The following RANBP2 variants were observed in gnomAD, a reference collection of about 807,000 sequenced individuals.
The protein encoded by RANBP2 is RAN binding protein 2.
RANBP2 carries 57 observed loss-of-function variants against 303.6 expected under a neutral mutation model. That is an observed-to-expected ratio of 0.19 (90% CI 0.15 to 0.23). The LOEUF (loss-of-function observed/expected upper bound fraction) is 0.23, where lower values mean the gene tolerates loss of function less well. RANBP2 is among the 10% of genes least tolerant of loss of function. The probability of loss-of-function intolerance (pLI) is 1.00; values close to 1 mark genes in which losing one functional copy is unlikely to be tolerated. For missense variants in RANBP2, 3,138 were observed against 3,780.8 expected, an observed-to-expected ratio of 0.83 and a Z score of 4.46; for synonymous variants, 1,167 against 1,301.5, an observed-to-expected ratio of 0.90 and a Z score of 2.23.
chr2:109,501,099 T>C, the RANBP2 span, among the ~76,000 whole-genome samples: 2 of 152,278 alleles, frequency 1.3e-5, no homozygotes, highest in Admixed American at 1.3e-4. Flanking sequence ...GCCCAGGGTC[T>C]TGACACTGGG....
chr2:108,935,251 C>A, the RANBP2 span, among the ~76,000 whole-genome samples: 1 of 152,176 alleles, frequency 6.6e-6, no homozygotes, highest in Non-Finnish European at 1.5e-5. Context: ...ATCACATCAG[C>A]TTATGACTAC....
At position 108,752,207 on chromosome 2, in the gene RANBP2, G is replaced by A. The variant is rs540864523; in HGVS notation, c.1755+213G>A. On this transcript the variant is annotated intron_variant, in intron 12 of 28. Coordinates refer to ENST00000283195, the MANE Select transcript of RANBP2 (RefSeq NM_006267.5). ...ACAGTGAATGTTACATATTAGCTGAGCTGTTACTGTTATTCCTTAATAATT... is the reference window on the plus strand; with the variant it reads ...ACAGTGAATGTTACATATTAGCTGAACTGTTACTGTTATTCCTTAATAATT... Among the ~76,000 whole-genome samples the A allele has an allele frequency of 2.6e-5, 4 of 151,932 alleles. No individual in the cohort carries two copies. In the East Asian group the frequency reaches 7.7e-4, roughly 29 times the overall value.
the RANBP2 span, among the ~76,000 whole-genome samples, chr2:108,831,745 C>A: frequency 6.6e-6 from 1 of 151,894 alleles, no homozygotes; most frequent in South Asian, 2.1e-4. Flanking sequence ...TCCGTCCTTC[C>A]TGTTGAAACG....
the RANBP2 span, among the ~76,000 whole-genome samples, chr2:109,587,268 C>T: frequency 2.2e-4 from 34 of 152,182 alleles, no homozygotes; most frequent in African/African-American, 6.5e-4. Context: ...TTAGTACTAA[C>T]AGCAGATCAA....
chr2:108,957,956 C>A, the RANBP2 span, among the ~76,000 whole-genome samples: 1 of 152,108 alleles, frequency 6.6e-6, no homozygotes, highest in Admixed American at 6.5e-5. Flanking sequence ...ACAGTTCCTG[C>A]AGAAAATGAA....
At chr2:109,615,782 C>T in the RANBP2 span, 10 of 1,614,116 alleles carry the variant, frequency 6.2e-6, no homozygotes, top group Non-Finnish European at 8.5e-6. Flanking sequence ...TCTCACACGC[C>T]CTAGAAGATG....
the RANBP2 span, chr2:109,544,658 A>G: frequency 1.1e-6 from 1 of 915,870 alleles, no homozygotes; most frequent in Non-Finnish European, 1.3e-6. Context: ...TGAAAGGAAA[A>G]AAGGTATTAA....
chr2:109,024,289 A>G, the RANBP2 span, among the ~76,000 whole-genome samples: 7,711 of 152,306 alleles, frequency 0.051, 526 homozygotes, highest in African/African-American at 0.15. Flanking sequence ...AGATGTTATC[A>G]TGAATGTACA....
the RANBP2 span, among the ~76,000 whole-genome samples, chr2:109,406,999 C>T: frequency 2.0e-5 from 3 of 152,194 alleles, no homozygotes; most frequent in Admixed American, 6.5e-5. Context: ...AAGGAAGAGA[C>T]GACACCTTTC....
chr2:108,826,004 A>G, the RANBP2 span, among the ~76,000 whole-genome samples: 2 of 152,192 alleles, frequency 1.3e-5, no homozygotes, highest in African/African-American at 2.4e-5. Context: ...TTCCCTGATG[A>G]CTAATGTTGA....
chr2:109,188,002 C>T, the RANBP2 span, among the ~76,000 whole-genome samples: 1 of 152,214 alleles, frequency 6.6e-6, no homozygotes, highest in East Asian at 1.9e-4. Context: ...GCGGGGGTTG[C>T]CTCTGCTCCA....
chr2:109,059,835 G>C, the RANBP2 span, among the ~76,000 whole-genome samples: 3 of 53,626 alleles, frequency 5.6e-5, no homozygotes, highest in African/African-American at 8.6e-5. Flanking sequence ...TTTGGTGGGT[G>C]GGGGGGATGT....
At chr2:108,843,841 G>GTTTT in the RANBP2 span, among the ~76,000 whole-genome samples, 3 of 81,786 alleles carry the variant, frequency 3.7e-5, no homozygotes, top group Admixed American at 1.4e-4. Flanking sequence ...TCAAGTTCAT[G>GTTTT]TTTTGTGTGT....
the RANBP2 span, among the ~76,000 whole-genome samples, chr2:109,017,460 C>A: frequency 6.6e-6 from 1 of 152,172 alleles, no homozygotes; most frequent in Non-Finnish European, 1.5e-5. Context: ...CACAGGATGG[C>A]GTGGGGTCGC....
At chr2:109,338,043 T>C in the RANBP2 span, among the ~76,000 whole-genome samples, 1 of 152,122 alleles carries the variant, frequency 6.6e-6, no homozygotes, top group African/African-American at 2.4e-5. Flanking sequence ...CCTTCTGTTT[T>C]TGATGGAGCT....
chr2:109,251,774 CAAAA>C, the RANBP2 span: 3 of 525,910 alleles, frequency 5.7e-6, no homozygotes, highest in Admixed American at 3.2e-5. Flanking sequence ...TTGTAATAGT[CAAAA>C]AAAGAATTAG....
the RANBP2 span, among the ~76,000 whole-genome samples, chr2:109,642,385 G>T: frequency 6.6e-6 from 1 of 152,304 alleles, no homozygotes; most frequent in East Asian, 1.9e-4. Context: ...GTGCTAAAAA[G>T]CGCCAAACAA....
chr2:109,687,741 A>AT, the RANBP2 span, among the ~76,000 whole-genome samples: 22,471 of 133,434 alleles, frequency 0.17, 2,008 homozygotes, highest in South Asian at 0.37. Context: ...AGGTCAGGGG[A>AT]TTTTTTTTTT....
chr2:109,240,168 C>T, the RANBP2 span, among the ~76,000 whole-genome samples: 1 of 152,164 alleles, frequency 6.6e-6, no homozygotes, highest in African/African-American at 2.4e-5. Flanking sequence ...ATGGATCACC[C>T]ATTTATCACC....
Sources: allele counts gnomAD v4.1 joint callset (sites outside exome capture counted in the v4.1 genomes callset), GRCh38; gene constraint gnomAD v4.1.1; transcripts MANE v1.5; gene names NCBI Gene and HGNC (gene_info 2026-07-23, HGNC 2026-07-21).